The following AGMO variants were observed in gnomAD, a reference collection of about 807,000 sequenced individuals.
AGMO encodes the protein glyceryl-ether monooxygenase.
In AGMO, 75 loss-of-function variants were observed where a neutral mutation model predicts 60.2. The ratio of observed to expected loss-of-function variants is 1.25; its 90% CI spans 1.03 to 1.51. The LOEUF (loss-of-function observed/expected upper bound fraction) is 1.51, where lower values mean the gene tolerates loss of function less well. AGMO is among the 40% of genes most tolerant of loss of function. The pLI is 0.00. For synonymous variants in AGMO, 261 were observed against 177.1 expected, an observed-to-expected ratio of 1.47 and a Z score of -3.76; for missense variants, 763 against 525.5, an observed-to-expected ratio of 1.45 and a Z score of -4.42.
intron 3 of AGMO, among the ~76,000 whole-genome samples, chr7:15,523,932 G>C (rs1342074375): frequency 6.6e-6 from 1 of 152,128 alleles, no homozygotes; most frequent in Non-Finnish European, 1.5e-5. Context: ...GAGGGAAAAT[G>C]AAATGTAACA....
the AGMO span, among the ~76,000 whole-genome samples, chr7:15,157,807 A>T: frequency 6.6e-6 from 1 of 152,270 alleles, no homozygotes; most frequent in East Asian, 1.9e-4. Flanking sequence ...TCCTCTCATA[A>T]ATTCCTTCTG....
At chr7:15,242,751 A>G (rs1782629706) in intron 12 of AGMO, among the ~76,000 whole-genome samples, 1 of 152,194 alleles carries the variant, frequency 6.6e-6, no homozygotes, top group Admixed American at 6.5e-5. Context: ...TCAGGGGAAA[A>G]CACATGATAA....
chr7:15,388,727 G>A (rs1388321674), intron 8 of AGMO, among the ~76,000 whole-genome samples: 1 of 152,172 alleles, frequency 6.6e-6, no homozygotes, highest in Non-Finnish European at 1.5e-5. Flanking sequence ...TTGCTTTGAT[G>A]CCTCTGCAGA....
At chr7:15,184,476 AAAAGG>A in the AGMO span, among the ~76,000 whole-genome samples, 1 of 95,942 alleles carries the variant, frequency 1.0e-5, no homozygotes, top group Non-Finnish European at 2.1e-5. Flanking sequence ...GGAAGGAAGG[AAAAGG>A]AGGGAGGGAA....
At chr7:15,251,328 C>T (rs2128506501) in intron 12 of AGMO, among the ~76,000 whole-genome samples, 1 of 152,156 alleles carries the variant, frequency 6.6e-6, no homozygotes, top group South Asian at 2.1e-4. Flanking sequence ...AATCAGGTAC[C>T]AACCAGGAAA....
chr7:15,167,411 T>C, the AGMO span, among the ~76,000 whole-genome samples: 1 of 152,172 alleles, frequency 6.6e-6, no homozygotes, highest in Non-Finnish European at 1.5e-5. Flanking sequence ...TATTCAATAA[T>C]AATAAGTAGG....
At chr7:15,252,103 A>T (rs1345762859) in intron 12 of AGMO, among the ~76,000 whole-genome samples, 2 of 152,220 alleles carry the variant, frequency 1.3e-5, no homozygotes, top group Non-Finnish European at 2.9e-5. Flanking sequence ...TGAAGATCTG[A>T]TTCCCATGCA....
At chr7:15,265,716 C>T (rs536935585) in intron 12 of AGMO, among the ~76,000 whole-genome samples, 1 of 152,098 alleles carries the variant, frequency 6.6e-6, no homozygotes, top group South Asian at 2.1e-4. Flanking sequence ...AGGCAACAGT[C>T]ACTGTGGAAA....
intron 2 of AGMO, among the ~76,000 whole-genome samples, chr7:15,555,290 T>TACAC (rs1420696152): frequency 1.5e-3 from 159 of 103,616 alleles, no homozygotes; most frequent in South Asian, 3.5e-3. Flanking sequence ...TATATATATA[T>TACAC]ATACACACAC....
At chr7:15,189,328 GT>G in the AGMO span, among the ~76,000 whole-genome samples, 19 of 149,788 alleles carry the variant, frequency 1.3e-4, no homozygotes, top group South Asian at 1.5e-3. Context: ...CTGATTTTAA[GT>G]TTTTTTTTTC....
At chr7:15,406,995 T>C (rs865941204) in intron 5 of AGMO, among the ~76,000 whole-genome samples, 1 of 144,632 alleles carries the variant, frequency 6.9e-6, no homozygotes, top group Middle Eastern at 3.6e-3. Context: ...TGTGTGTATA[T>C]ATATGGAATA....
chr7:15,496,149 G>A (rs1217613563), intron 3 of AGMO, among the ~76,000 whole-genome samples: 1 of 152,074 alleles, frequency 6.6e-6, no homozygotes, highest in Non-Finnish European at 1.5e-5. Flanking sequence ...CCCCTCTCAT[G>A]GAGATGAGTG....
At chr7:15,291,364 A>C (rs1338215173) in intron 12 of AGMO, among the ~76,000 whole-genome samples, 1 of 152,206 alleles carries the variant, frequency 6.6e-6, no homozygotes, top group Non-Finnish European at 1.5e-5. Context: ...TATATTCCTG[A>C]AACATGAATA....
intron 12 of AGMO, among the ~76,000 whole-genome samples, chr7:15,226,585 A>C (rs1782088620): frequency 6.6e-6 from 1 of 152,090 alleles, no homozygotes. Context: ...TGGGGTTAGA[A>C]GTACTGTTTA....
At chr7:15,458,366 T>G (rs986338855) in intron 3 of AGMO, among the ~76,000 whole-genome samples, 1 of 152,186 alleles carries the variant, frequency 6.6e-6, no homozygotes, top group Non-Finnish European at 1.5e-5. Flanking sequence ...ATTCATAATG[T>G]GCAGGAGTAT....
chr7:15,217,150 T>C (rs949117815), intron 12 of AGMO, among the ~76,000 whole-genome samples: 1 of 152,026 alleles, frequency 6.6e-6, no homozygotes, highest in African/African-American at 2.4e-5. Context: ...CTTGAATCTA[T>C]GAGGGCTGTG....
intron 12 of AGMO, among the ~76,000 whole-genome samples, chr7:15,293,438 G>C (rs987467711): frequency 6.6e-6 from 1 of 152,138 alleles, no homozygotes; most frequent in African/African-American, 2.4e-5. Flanking sequence ...ATAAGAGTGA[G>C]AGAAGGATTT....
chr7:15,381,046 T>C (rs1783663213), intron 10 of AGMO, among the ~76,000 whole-genome samples: 1 of 152,098 alleles, frequency 6.6e-6, no homozygotes, highest in South Asian at 2.1e-4. Context: ...GATTAAAGAC[T>C]TAAATGTGAA....
chr7:15,502,412 G>C (rs1467025180), intron 3 of AGMO, among the ~76,000 whole-genome samples: 1 of 151,910 alleles, frequency 6.6e-6, no homozygotes, highest in Non-Finnish European at 1.5e-5. Flanking sequence ...TGTCACCTTG[G>C]AGAGAGAGAC....
Sources: gnomAD v4.1 joint callset for allele counts (sites outside exome capture counted in the v4.1 genomes callset) on GRCh38, gnomAD v4.1.1 for gene constraint, MANE v1.5 for transcripts, NCBI Gene and HGNC (gene_info 2026-07-23, HGNC 2026-07-21) for gene names.